INO80D: variants seen among roughly 807,000 people sequenced by gnomAD.
INO80D encodes INO80 complex subunit D.
Under a neutral mutation model 87.6 loss-of-function variants are expected in INO80D, and 21 were observed. That is an observed-to-expected ratio of 0.24 (90% CI 0.17 to 0.35). INO80D has a LOEUF of 0.35. Ranked by LOEUF, INO80D falls within the 10% of genes least tolerant of loss-of-function variation. The pLI is 1.00. For missense variants in INO80D, 982 were observed against 1,280.7 expected, an observed-to-expected ratio of 0.77 and a Z score of 3.56; for synonymous variants, 440 against 491.0, an observed-to-expected ratio of 0.90 and a Z score of 1.37.
At chr2:206,012,940 G>A (rs973900055) in intron 8 of INO80D, among the ~76,000 whole-genome samples, 4 of 149,462 alleles carry the variant, frequency 2.7e-5, no homozygotes, top group Non-Finnish European at 4.4e-5. Flanking sequence ...GTCTCTCATA[G>A]GAGCACTGAT....
In INO80D at chr2:206,056,296, G is replaced by T; in HGVS notation, c.866C>A (p.Ala289Asp). The change falls in exon 4 of 11, where the codon GCC becomes GAC. Residue 289 changes from alanine (A) to aspartate (D), a missense_variant. Ala to Asp is a moderately radical substitution (Grantham distance 126, BLOSUM62 -2). Transcript: ENST00000403263. The stretch of plus-strand genomic sequence containing the variant: ...TATACATGAGAAGTGTGGAGAGAAG[G>T]CTGTGGCTTTCATGAGGATCCGGTC... The part of the protein sequence containing the change: ...RTDRILMKAT[A>D]FSPHFSCISR... 4 of 1,614,022 alleles carry T rather than the reference G, an allele frequency of 2.5e-6. No homozygotes were observed. The highest frequency in any genetic ancestry group is 3.4e-6 in the Non-Finnish European group (4 of 1,179,888).
intron 5 of INO80D, among the ~76,000 whole-genome samples, chr2:206,029,899 G>A (rs1444496794): frequency 1.3e-5 from 2 of 152,140 alleles, no homozygotes; most frequent in Admixed American, 6.5e-5. Context: ...GGGGCAAAAA[G>A]GCCAATGATT....
chr2:206,008,022 C>T (rs1312312874), intron 9 of INO80D: 2 of 152,618 alleles, frequency 1.3e-5, no homozygotes, highest in Non-Finnish European at 2.9e-5. Context: ...ACTCTTGTTG[C>T]CCAAGTTGGA....
At chr2:206,057,701 A>G (rs543521642) in intron 3 of INO80D, among the ~76,000 whole-genome samples, 1 of 152,290 alleles carries the variant, frequency 6.6e-6, no homozygotes, top group Admixed American at 6.5e-5. Flanking sequence ...TTAGTCTTCA[A>G]CAATAAGCAA....
intron 8 of INO80D, among the ~76,000 whole-genome samples, chr2:206,012,084 G>C (rs1476297831): frequency 6.6e-6 from 1 of 152,188 alleles, no homozygotes; most frequent in African/African-American, 2.4e-5. Flanking sequence ...AGGATGTGAT[G>C]GGAAGCCATT....
At chr2:206,079,038 A>G (rs1383226461) in intron 1 of INO80D, among the ~76,000 whole-genome samples, 1 of 152,186 alleles carries the variant, frequency 6.6e-6, no homozygotes, top group African/African-American at 2.4e-5. Flanking sequence ...AACCATCACA[A>G]AAAGTGTGGG....
chr2:206,009,910 G>A, intron 8 of INO80D, 116 bp from the exon 9 acceptor site: 2 of 741,708 alleles, frequency 2.7e-6, no homozygotes, highest in Non-Finnish European at 4.3e-6. Context: ...CATACTGGAT[G>A]CCCAAAACTA....
rs763918448 is a variant in INO80D, at chr2:206,005,169, G to A, written c.2283C>T (p.Asn761=). 6.8e-6 allele frequency: 11 copies of A among 1,613,904 alleles called. No homozygotes were observed. In the South Asian group the frequency reaches 8.8e-5, roughly 13 times the overall value. The change falls in exon 11 of 11, where the codon AAC becomes AAT. Residue 761 remains asparagine, a synonymous_variant. Coordinates refer to ENST00000403263, the MANE Select transcript of INO80D (RefSeq NM_017759.5). ...QIQGQFSAPA[N]VGLTSATLIS... ...TCAGAGTGGCAGAAGTAAGGCCAAC[G>A]TTGGCTGGGGCAGAGAACTGCCCCT...
chr2:206,084,170 A>G (rs899609679), intron 1 of INO80D, among the ~76,000 whole-genome samples: 3 of 151,686 alleles, frequency 2.0e-5, no homozygotes, highest in Admixed American at 6.6e-5. Flanking sequence ...GTATGAATAT[A>G]TATGTGTTTA....
intron 9 of INO80D, 80 bp downstream of exon 9, chr2:206,009,497 A>T: frequency 8.1e-7 from 1 of 1,229,952 alleles, no homozygotes; most frequent in Non-Finnish European, 1.1e-6. Context: ...TGACAACTTT[A>T]CAATAACCAC....
chr2:205,998,068 A>G lies in INO80D; in HGVS notation c.*6300T>C, dbSNP rs146216223. ...TGAATAAGACACTGAGAACATCTAG[A>G]TTTATTATTTTCTCTATTTTACTTC... is the stretch of plus-strand genomic sequence containing the variant. On this transcript the variant is annotated 3_prime_UTR_variant, in exon 11 of 11. Coordinates refer to ENST00000403263, the MANE Select transcript of INO80D (RefSeq NM_017759.5). The G allele has an allele frequency of 1.6e-4, 25 of 152,278 alleles. 1 individual carries two copies. Among genetic ancestry groups the G allele is most frequent in the African/African-American group, 5.3e-4 (22 of 41,572 alleles). The allele number at this position is 152,278 out of a possible 1,614,324, so 9.4% of individuals were successfully genotyped here.
intron 1 of INO80D, among the ~76,000 whole-genome samples, chr2:206,079,959 C>T (rs1312760380): frequency 6.6e-6 from 1 of 152,222 alleles, no homozygotes; most frequent in African/African-American, 2.4e-5. Flanking sequence ...TCCTCCCATT[C>T]GCTTAGGACA....
At chr2:206,064,320 G>T (rs1689760283) in intron 1 of INO80D, among the ~76,000 whole-genome samples, 1 of 152,176 alleles carries the variant, frequency 6.6e-6, no homozygotes, top group South Asian at 2.1e-4. Flanking sequence ...TCATGAAACT[G>T]AATCTATTTT....
At chr2:206,079,783 A>G (rs2105911969) in intron 1 of INO80D, among the ~76,000 whole-genome samples, 1 of 152,298 alleles carries the variant, frequency 6.6e-6, no homozygotes, top group South Asian at 2.1e-4. Flanking sequence ...CCCCTAACAC[A>G]GAAACTCCTT....
At position 206,017,806 on chromosome 2, in the gene INO80D, G is replaced by C. The variant is rs41272653; in HGVS notation, c.1416C>G (p.Leu472=). 0.032 allele frequency: 50,889 copies of C among 1,602,640 alleles called. 971 individuals are homozygous for C. Among genetic ancestry groups the C allele is most frequent in the South Asian group, 0.045 (3,930 of 88,284 alleles). The change falls in exon 8 of 11, where the codon CTC becomes CTG. Residue 472 remains leucine, a synonymous_variant. Coordinates refer to ENST00000403263, the MANE Select transcript of INO80D (RefSeq NM_017759.5). ...AGAAGAGCTGCTGAGAGTGGTTCAA[G>C]AGGATATCTGGGTTTTTTTAAGTTA... ...PFTRHCFQHI[L]LNHSQQLFSS...
In INO80D at chr2:206,068,820, C is replaced by A. The variant is rs565071863; in HGVS notation, c.-123-5576G>T. ...GCTCAAGCAATCCTCCCACCTCAGC[C>A]TCCTGAGTAGCTGCGACTAAAGGCA... On this transcript the variant is annotated intron_variant, in intron 1 of 10. Coordinates refer to ENST00000403263, the MANE Select transcript of INO80D (RefSeq NM_017759.5). Among the ~76,000 whole-genome samples, 39 of 152,246 alleles carry A rather than the reference C, an allele frequency of 2.6e-4. 1 individual carries two copies. The highest frequency in any genetic ancestry group is 1.0e-3 in the South Asian group (5 of 4,820).
chr2:205,994,392 T>G lies in INO80D; in HGVS notation c.*9976A>C, dbSNP rs1213632187. On this transcript the variant is annotated 3_prime_UTR_variant, in exon 11 of 11. Coordinates refer to ENST00000403263, the MANE Select transcript of INO80D (RefSeq NM_017759.5). ...CGCTAGTCCTTGCTACCGTGCAGTT[T>G]CTTTGTTAGAAGAGATTTTAAAACT... The G allele has an allele frequency of 1.3e-5, 2 of 152,230 alleles. No homozygotes were observed. The highest frequency in any genetic ancestry group is 2.9e-5 in the Non-Finnish European group (2 of 68,046). The allele number at this position is 152,230 out of a possible 1,614,324, so 9.4% of individuals were successfully genotyped here.
Position 206,004,137 on chromosome 2 carries a change from C to T in INO80D, c.*231G>A. On this transcript the variant is annotated 3_prime_UTR_variant, in exon 11 of 11. Coordinates refer to ENST00000403263, the MANE Select transcript of INO80D (RefSeq NM_017759.5). The surrounding 1 kb of genome is among the most constrained non-coding windows in gnomAD (Gnocchi z 4.9). ...TCACTGTGCTGAACCACTAAGGAAA[C>T]CACTGGGGCGGAGTGGGCCTGCCAG... The T allele has an allele frequency of 1.7e-6, 1 of 573,698 alleles. No individual in the cohort carries two copies. The highest frequency in any genetic ancestry group is 2.9e-5 in the East Asian group (1 of 34,378). The allele number at this position is 573,698 out of a possible 1,614,324, so 35.5% of individuals were successfully genotyped here.
At chr2:206,051,126 G>T (rs978495031) in intron 4 of INO80D, among the ~76,000 whole-genome samples, 1 of 152,070 alleles carries the variant, frequency 6.6e-6, no homozygotes, top group Non-Finnish European at 1.5e-5. Context: ...ATCCAAATAA[G>T]CAAGCAAACC....
Sources: allele counts gnomAD v4.1 joint callset (sites outside exome capture counted in the v4.1 genomes callset), GRCh38; gene constraint gnomAD v4.1.1; non-coding constraint Gnocchi (gnomAD v3.1); transcripts MANE v1.5; gene names NCBI Gene and HGNC (gene_info 2026-07-23, HGNC 2026-07-21).